PTPN12: variants seen among roughly 807,000 people sequenced by gnomAD.
The protein encoded by PTPN12 is protein tyrosine phosphatase non-receptor type 12, also known as tyrosine-protein phosphatase non-receptor type 12.
PTPN12 carries 29 observed loss-of-function variants against 97.6 expected under a neutral mutation model. That is an observed-to-expected ratio of 0.30 (90% CI 0.22 to 0.41). The LOEUF is 0.41. Among genes scored for constraint, PTPN12 ranks in the 10% least tolerant of loss-of-function variants. The pLI is 1.00. For synonymous variants in PTPN12, 327 were observed against 300.4 expected (o/e 1.09, Z -0.91); for missense variants, 819 against 926.0 (o/e 0.88, Z 1.50).
chr7:77,607,229 C>T lies in PTPN12; in HGVS notation c.696-6C>T. On this transcript the variant is annotated splice_polypyrimidine_tract_variant and splice_region_variant and intron_variant, in intron 8 of 17. Coordinates refer to ENST00000248594, the MANE Select transcript of PTPN12 (RefSeq NM_002835.4). The stretch of plus-strand genomic sequence containing the variant: ...ATCAATTGTTTTTCAAACTTTATAT[C>T]CTTAGTGCAGGCTGTGGAAGAACAG... 1 of 1,590,482 alleles carries T rather than the reference C, an allele frequency of 6.3e-7. No individual in the cohort carries two copies. The highest frequency in any genetic ancestry group is 8.6e-7 in the Non-Finnish European group (1 of 1,167,216).
At chr7:77,573,191 C>G (rs1300097097) in intron 2 of PTPN12, among the ~76,000 whole-genome samples, 1 of 151,216 alleles carries the variant, frequency 6.6e-6, no homozygotes, top group Admixed American at 6.6e-5. Flanking sequence ...AGTAACCAAT[C>G]ATTAAGCTTT....
At chr7:77,573,094 AAAC>A (rs529315901) in intron 2 of PTPN12, among the ~76,000 whole-genome samples, 2 of 41,676 alleles carry the variant, frequency 4.8e-5, no homozygotes, top group African/African-American at 1.8e-4. Flanking sequence ...AAAAAAAAAA[AAAC>A]AAAAAAACAA....
At chr7:77,622,824 A>C (rs974591188) in intron 12 of PTPN12, among the ~76,000 whole-genome samples, 6 of 146,712 alleles carry the variant, frequency 4.1e-5, no homozygotes, top group African/African-American at 1.5e-4. Flanking sequence ...AATTAAGCAG[A>C]AGTTTGGAAA....
At chr7:77,544,563 T>G (rs1338390126) in intron 1 of PTPN12, among the ~76,000 whole-genome samples, 27 of 152,244 alleles carry the variant, frequency 1.8e-4, no homozygotes, top group Admixed American at 1.6e-3. Flanking sequence ...GATATTTAAC[T>G]TGGAAAAAGG....
intron 8 of PTPN12, among the ~76,000 whole-genome samples, chr7:77,605,945 C>G (rs1417141712): frequency 1.9e-5 from 1 of 51,896 alleles, no homozygotes; most frequent in Non-Finnish European, 3.3e-5. Flanking sequence ...CAAGAGCCAT[C>G]TTTTTTTTTT....
At chr7:77,630,132 T>G (rs1036717180) in intron 13 of PTPN12, among the ~76,000 whole-genome samples, 1 of 152,236 alleles carries the variant, frequency 6.6e-6, no homozygotes, top group African/African-American at 2.4e-5. Flanking sequence ...TAAATGTTCT[T>G]TGTTGCAGCA....
intron 13 of PTPN12, among the ~76,000 whole-genome samples, chr7:77,629,933 C>T (rs1420706318): frequency 7.4e-6 from 1 of 134,258 alleles, no homozygotes; most frequent in Non-Finnish European, 1.6e-5. Context: ...GAGGGAGACC[C>T]TGTCTCAAAA....
At chr7:77,593,358 C>T (rs1424930876) in intron 6 of PTPN12, among the ~76,000 whole-genome samples, 2 of 151,902 alleles carry the variant, frequency 1.3e-5, no homozygotes, top group African/African-American at 4.8e-5. Flanking sequence ...GTGCATGCGT[C>T]TGTGTGCATG....
At chr7:77,586,164 G>A (rs898110504) in intron 5 of PTPN12, among the ~76,000 whole-genome samples, 5 of 152,278 alleles carry the variant, frequency 3.3e-5, no homozygotes, top group Admixed American at 2.0e-4. Context: ...ATGTTGGCCA[G>A]GCTGGTTTCG....
At chr7:77,631,639 C>A (rs117836943) in intron 13 of PTPN12, among the ~76,000 whole-genome samples, 2,790 of 152,306 alleles carry the variant, frequency 0.018, 34 homozygotes, top group Middle Eastern at 0.071. Flanking sequence ...TTAATGCACT[C>A]TCTTTCCCAA....
chr7:77,588,247 G>A (rs1179166611), intron 5 of PTPN12, among the ~76,000 whole-genome samples: 2 of 152,090 alleles, frequency 1.3e-5, no homozygotes, highest in African/African-American at 2.4e-5. Context: ...TATTTAAAGT[G>A]AAAAGTTTGT....
chr7:77,584,336 AAG>A (rs1787617978), intron 4 of PTPN12, among the ~76,000 whole-genome samples: 3 of 152,188 alleles, frequency 2.0e-5, no homozygotes, highest in African/African-American at 4.8e-5. Context: ...AGATTAATAA[AAG>A]GGGGGAAATT....
At chr7:77,626,360 ATG>A (rs1287285237) in intron 12 of PTPN12, among the ~76,000 whole-genome samples, 2 of 152,246 alleles carry the variant, frequency 1.3e-5, no homozygotes, top group African/African-American at 2.4e-5. Flanking sequence ...TCAGTAGAAA[ATG>A]TGTGAAACAA....
At chr7:77,555,567 G>T (rs912223409) in intron 1 of PTPN12, among the ~76,000 whole-genome samples, 4 of 152,036 alleles carry the variant, frequency 2.6e-5, no homozygotes, top group African/African-American at 9.7e-5. Flanking sequence ...TAGTCTACTA[G>T]TAAGCCCACC....
intron 2 of PTPN12, among the ~76,000 whole-genome samples, chr7:77,573,717 T>C (rs1787240111): frequency 6.6e-6 from 1 of 152,218 alleles, no homozygotes; most frequent in African/African-American, 2.4e-5. Context: ...CCACTTTCTT[T>C]TTCTGTCGTC....
At chr7:77,591,992 T>C (rs1294496273) in intron 5 of PTPN12, among the ~76,000 whole-genome samples, 193 bp from the exon 6 acceptor site, 9 of 152,190 alleles carry the variant, frequency 5.9e-5, no homozygotes, top group African/African-American at 1.9e-4. Context: ...ATGACTATTC[T>C]TGGAGAAGAC....
intron 2 of PTPN12, among the ~76,000 whole-genome samples, chr7:77,573,229 T>C (rs1787221893): frequency 6.6e-6 from 1 of 152,158 alleles, no homozygotes; most frequent in Non-Finnish European, 1.5e-5. Flanking sequence ...TTTTCTCACC[T>C]GTTGTCTTAG....
rs1349365808 is a variant in PTPN12 at position 77,537,354 on chromosome 7, G to C, written c.-193G>C. The C allele has an allele frequency of 7.4e-6, 5 of 674,574 alleles. No individual in the cohort carries two copies. In the African/African-American group the frequency reaches 7.8e-5, roughly 11 times the overall value. 41.8% of individuals were successfully genotyped at this position (674,574 alleles called of 1,614,324 possible). A position where few individuals can be genotyped will look rare whatever the true frequency, so the allele number is the denominator to read the frequency against. The stretch of plus-strand genomic sequence containing the variant: ...GCGGCGGCTGCTCCTGGAAGTTGTG[G>C]TGTCGGGAGCCCAGCCGGTGCCGCC... On this transcript the variant is annotated 5_prime_UTR_variant, in exon 1 of 18. Transcript: ENST00000248594.
Position 77,612,243 on chromosome 7 carries a change from C to T in PTPN12, c.939+1197C>T, listed in dbSNP as rs567822570. ...CGGTCCATGAGTTTTAGGAAATATG[C>T]ATTTCTTTTATTAGCCAAGTGACAA... On this transcript the variant is annotated intron_variant, in intron 11 of 17. Transcript: ENST00000248594. Among the ~76,000 whole-genome samples the T allele has an allele frequency of 2.0e-5, 3 of 152,194 alleles. No individual in the cohort carries two copies. The South Asian group carries it at 6.2e-4, about 32-fold the overall frequency.
Sources: gnomAD v4.1 joint callset for allele counts (sites outside exome capture counted in the v4.1 genomes callset) on GRCh38, gnomAD v4.1.1 for gene constraint, MANE v1.5 for transcripts, NCBI Gene and HGNC (gene_info 2026-07-23, HGNC 2026-07-21) for gene names.